The following PCDHA5 variants were observed in gnomAD, a reference collection of about 807,000 sequenced individuals.
The protein encoded by PCDHA5 is protocadherin alpha-5.
PCDHA5 carries 43 observed loss-of-function variants against 61.6 expected under a neutral mutation model. That is an observed-to-expected ratio of 0.70 (90% CI 0.55 to 0.90). The LOEUF (loss-of-function observed/expected upper bound fraction) is 0.90, where lower values mean the gene tolerates loss of function less well. PCDHA5 is among the 40% of genes least tolerant of loss of function. The pLI is 0.00. For missense variants in PCDHA5, 1,298 were observed against 1,222.7 expected (o/e 1.06, Z -0.92); for synonymous variants, 627 against 543.9 (o/e 1.15, Z -2.13).
intron 1 of PCDHA5, among the ~76,000 whole-genome samples, chr5:140,923,065 TCTC>T: frequency 6.6e-6 from 1 of 152,304 alleles, no homozygotes; most frequent in Non-Finnish European, 1.5e-5. Context: ...AAGAGCTAGG[TCTC>T]CTCATGTCAG....
At chr5:140,882,971 G>C in intron 1 of PCDHA5, 1 of 1,614,206 alleles carries the variant, frequency 6.2e-7, no homozygotes, top group Non-Finnish European at 8.5e-7. Flanking sequence ...GATTCTGGAC[G>C]TGAATGACAA....
At chr5:140,902,854 C>T (rs186872091) in intron 1 of PCDHA5, among the ~76,000 whole-genome samples, 154 of 152,240 alleles carry the variant, frequency 1.0e-3, no homozygotes, top group Middle Eastern at 3.4e-3. Flanking sequence ...AGAAAAATGG[C>T]GTCCAGGTCC....
intron 1 of PCDHA5, among the ~76,000 whole-genome samples, chr5:140,954,551 T>C (rs2095055563): frequency 6.6e-6 from 1 of 152,250 alleles, no homozygotes; most frequent in South Asian, 2.1e-4. Context: ...ATATGTTTGT[T>C]GGCTGCATGA....
intron 1 of PCDHA5, chr5:140,882,642 A>C (rs2153386129): frequency 6.2e-7 from 1 of 1,614,224 alleles, no homozygotes; most frequent in East Asian, 2.2e-5. Flanking sequence ...AAGGTGAGGG[A>C]CATTAACGAC....
chr5:140,937,343 A>G (rs1412775724), intron 1 of PCDHA5, among the ~76,000 whole-genome samples: 1 of 151,948 alleles, frequency 6.6e-6, no homozygotes, highest in Non-Finnish European at 1.5e-5. Context: ...GGCTTCTTCC[A>G]TTTATTTTAT....
At chr5:140,869,203 TC>T in intron 1 of PCDHA5, 30 of 1,614,000 alleles carry the variant, frequency 1.9e-5, no homozygotes, top group Non-Finnish European at 2.5e-5. Flanking sequence ...GCTCCACTAC[TC>T]CGTCTCGGAG....
intron 3 of PCDHA5, among the ~76,000 whole-genome samples, chr5:141,004,282 G>T (rs1444607316): frequency 3.3e-5 from 5 of 152,190 alleles, no homozygotes; most frequent in African/African-American, 1.2e-4. Context: ...ACATGCTGCT[G>T]AGCTCTCAGA....
At chr5:140,926,771 A>C (rs2083548742) in intron 1 of PCDHA5, 11 of 1,372,492 alleles carry the variant, frequency 8.0e-6, no homozygotes, top group Non-Finnish European at 1.0e-5. Context: ...TCCAGCCCGC[A>C]GCAGTGACGG....
At chr5:140,838,240 A>C (rs181955850) in intron 1 of PCDHA5, among the ~76,000 whole-genome samples, 1 of 150,206 alleles carries the variant, frequency 6.7e-6, no homozygotes, top group Admixed American at 6.6e-5. Context: ...CAGTCTCCCA[A>C]GTAGCTGGGA....
chr5:140,916,437 C>T lies in PCDHA5; in HGVS notation c.2353-62512C>T, dbSNP rs77605255. Among the ~76,000 whole-genome samples the T allele has an allele frequency of 8.0e-3, 1,220 of 152,340 alleles. 6 individuals are homozygous for T. The highest frequency in any genetic ancestry group is 0.019 in the African/African-American group (786 of 41,586). Reference sequence around the variant, plus strand: ...AGCACATCTCAGAACCTAAGGCCCACAGTATACTACCTGGATATCACTGCT... The same window carrying T: ...AGCACATCTCAGAACCTAAGGCCCATAGTATACTACCTGGATATCACTGCT... On this transcript the variant is annotated intron_variant, in intron 1 of 3. Coordinates refer to ENST00000529859, the MANE Select transcript of PCDHA5 (RefSeq NM_018908.3).
At chr5:140,834,488 C>T (rs2150219556) in intron 1 of PCDHA5, 20 of 1,614,036 alleles carry the variant, frequency 1.2e-5, no homozygotes, top group East Asian at 6.7e-5. Context: ...ACTACTCGGT[C>T]CCCGAGGAGG....
chr5:140,859,369 T>C (rs1469149070), intron 1 of PCDHA5: 1 of 262,962 alleles, frequency 3.8e-6, no homozygotes, highest in Non-Finnish European at 7.0e-6. Flanking sequence ...TATTGTATAG[T>C]TTAATAGCTT....
chr5:140,821,812 C>T lies in PCDHA5; in HGVS notation c.37C>T (p.Leu13Phe). The T allele has an allele frequency of 6.2e-7, 1 of 1,613,776 alleles. No homozygotes were observed. Among genetic ancestry groups the T allele is most frequent in the Non-Finnish European group, 8.5e-7 (1 of 1,179,822 alleles). The change falls in exon 1 of 4, where the codon CTC (leucine) becomes TTC (phenylalanine). Residue 13 changes from leucine to phenylalanine, a missense_variant. Physicochemically the swap from Leu to Phe is conservative, Grantham distance 22. Transcript: ENST00000529859. ...CCGGAGAGGAAGTCTGGGATCCCGG[C>T]TCCTGCTGCTCTGGCTTCTCCTTGC... The part of the protein sequence containing the change: ...YSRRGSLGSR[L>F]LLLWLLLAYW...
intron 1 of PCDHA5, chr5:140,825,159 C>T (rs2150138448): frequency 9.9e-5 from 15 of 151,540 alleles, no homozygotes; most frequent in Admixed American, 4.6e-4. Context: ...TTTAATCTTG[C>T]TTTTTTCATT....
intron 1 of PCDHA5, chr5:140,865,066 G>A (rs1299001288): frequency 1.3e-5 from 2 of 152,140 alleles, no homozygotes; most frequent in African/African-American, 4.8e-5. Flanking sequence ...AATAACTTAA[G>A]TATAAGAACC....
chr5:140,997,866 TG>T (rs1554256038), intron 3 of PCDHA5, among the ~76,000 whole-genome samples: 1 of 152,216 alleles, frequency 6.6e-6, no homozygotes, highest in African/African-American at 2.4e-5. Context: ...TTCTTATGCA[TG>T]CTTGCTAGTA....
Position 141,010,550 on chromosome 5 carries a change from ACC to A in PCDHA5, c.*617_*618del. 3.2e-6 allele frequency: 1 copy of A among 316,712 alleles called. No individual in the cohort carries two copies. The highest frequency in any genetic ancestry group is 5.8e-6 in the Non-Finnish European group (1 of 172,196). The allele number at this position is 316,712 out of a possible 1,614,324, so 19.6% of individuals were successfully genotyped here. ...CAGCCACCCTCTAGGAGACAAAACT[ACC>A]CCCACTGACAAGGCTTTAGGAGACC... On this transcript the variant is annotated 3_prime_UTR_variant, in exon 4 of 4. Transcript: ENST00000529859.
At chr5:140,919,498 C>A (rs1433099544) in intron 1 of PCDHA5, among the ~76,000 whole-genome samples, 1 of 152,022 alleles carries the variant, frequency 6.6e-6, no homozygotes, top group Non-Finnish European at 1.5e-5. Context: ...TTATTTTACT[C>A]CTTTTTCTAT....
intron 1 of PCDHA5, chr5:140,828,787 G>T (rs1769950726): frequency 6.2e-7 from 1 of 1,614,216 alleles, no homozygotes; most frequent in Middle Eastern, 1.6e-4. Flanking sequence ...TGGTCACAGT[G>T]CTGGATGTGA....
Sources: gnomAD v4.1 joint callset for allele counts (sites outside exome capture counted in the v4.1 genomes callset) on GRCh38, gnomAD v4.1.1 for gene constraint, MANE v1.5 for transcripts, NCBI Gene and HGNC (gene_info 2026-07-23, HGNC 2026-07-21) for gene names.